Variants in ALDH5A1 observed in about 807,000 individuals in gnomAD.
ALDH5A1 encodes aldehyde dehydrogenase 5 family member A1, also known as succinate-semialdehyde dehydrogenase, mitochondrial.
Under a neutral mutation model 54.7 loss-of-function variants are expected in ALDH5A1, and 33 were observed. That is an observed-to-expected ratio of 0.60 (90% CI 0.46 to 0.81). ALDH5A1 has a LOEUF of 0.81. Among genes scored for constraint, ALDH5A1 ranks in the 30% least tolerant of loss-of-function variants. The probability of loss-of-function intolerance (pLI) is 0.00; values close to 1 mark genes in which losing one functional copy is unlikely to be tolerated. For missense variants in ALDH5A1, 657 were observed against 711.0 expected, an observed-to-expected ratio of 0.92 and a Z score of 0.86; for synonymous variants, 294 against 292.7, an observed-to-expected ratio of 1.00 and a Z score of -0.05.
At chr6:24,514,427 A>T (rs1297062497) in intron 4 of ALDH5A1, among the ~76,000 whole-genome samples, 1 of 152,138 alleles carries the variant, frequency 6.6e-6, no homozygotes, top group Non-Finnish European at 1.5e-5. Flanking sequence ...TATTAGTTTG[A>T]ACAGACCGTG....
Position 24,513,719 on chromosome 6 carries a change from C to G in ALDH5A1, c.727-1448C>G, listed in dbSNP as rs1759506675. Among the ~76,000 whole-genome samples, 3 of 152,196 alleles carry G rather than the reference C, an allele frequency of 2.0e-5. No individual in the cohort carries two copies. In the South Asian group the frequency reaches 6.2e-4, roughly 31 times the overall value. On this transcript the variant is annotated intron_variant, in intron 4 of 9. Transcript: ENST00000357578. ...ATGTACTCACCTACTATTGATAGGG[C>G]AAGGCCCTCCCACTTACAGCTGCTG...
intron 4 of ALDH5A1, among the ~76,000 whole-genome samples, chr6:24,512,352 G>A (rs1263638479): frequency 2.0e-5 from 3 of 152,200 alleles, no homozygotes; most frequent in Non-Finnish European, 4.4e-5. Flanking sequence ...TCCACATGCT[G>A]TTTTGTCCAT....
intron 2 of ALDH5A1, among the ~76,000 whole-genome samples, chr6:24,502,898 G>T: frequency 6.7e-6 from 1 of 149,614 alleles, no homozygotes; most frequent in Non-Finnish European, 1.5e-5. Context: ...TACTGTTTTG[G>T]TTGTTTTTTT....
At chr6:24,500,158 T>C (rs931877738) in intron 1 of ALDH5A1, among the ~76,000 whole-genome samples, 1 of 152,252 alleles carries the variant, frequency 6.6e-6, no homozygotes, top group South Asian at 2.1e-4. Flanking sequence ...TTTTTGTTCA[T>C]TGGAATTTTT....
intron 7 of ALDH5A1, among the ~76,000 whole-genome samples, chr6:24,527,264 C>T (rs1435272933): frequency 6.6e-6 from 1 of 151,878 alleles, no homozygotes; most frequent in Non-Finnish European, 1.5e-5. Context: ...AGACCACATC[C>T]AGTGCATCTT....
rs779688377 is a variant in ALDH5A1, at chr6:24,534,361, T to TAAAG, written c.*652_*655dup. The stretch of plus-strand genomic sequence containing the variant: ...CCTTTATTGTCCCAAATTTACCACT[T>TAAAG]AAAGAATTCTATTTTCATTTCTGTC... On this transcript the variant is annotated 3_prime_UTR_variant, in exon 10 of 10. Coordinates refer to ENST00000357578, the MANE Select transcript of ALDH5A1 (RefSeq NM_001080.3). 1 of 152,692 alleles carries TAAAG rather than the reference T, an allele frequency of 6.5e-6. No homozygotes were observed. The highest frequency in any genetic ancestry group is 1.5e-5 in the Non-Finnish European group (1 of 68,410). The allele number at this position is 152,692 out of a possible 1,614,324, so 9.5% of individuals were successfully genotyped here.
At chr6:24,506,346 C>T (rs1759357201) in intron 4 of ALDH5A1, among the ~76,000 whole-genome samples, 1 of 143,124 alleles carries the variant, frequency 7.0e-6, no homozygotes, top group Admixed American at 7.3e-5. Flanking sequence ...CTCTGCCTCC[C>T]AGGTTCAAGC....
chr6:24,520,813 C>T lies in ALDH5A1; in HGVS notation c.1014+269C>T, dbSNP rs541730449. Among the ~76,000 whole-genome samples, 54 of 152,080 alleles carry T rather than the reference C, an allele frequency of 3.6e-4. No homozygotes were observed. The East Asian group carries it at 6.6e-3, about 18-fold the overall frequency. ...CAGGGTTATACTAGGCTCAGAGGGGCCCCCCCAAAATAAGGTACAGTCCCT... is the reference window on the plus strand; with the variant it reads ...CAGGGTTATACTAGGCTCAGAGGGGTCCCCCCAAAATAAGGTACAGTCCCT... On this transcript the variant is annotated intron_variant, in intron 6 of 9. Transcript: ENST00000357578.
At chr6:24,520,355 TG>T (rs1411473050) in intron 5 of ALDH5A1, 45 bp from the exon 6 acceptor site, 1 of 1,611,822 alleles carries the variant, frequency 6.2e-7, no homozygotes, top group Non-Finnish European at 8.5e-7. Context: ...TTAACAATCC[TG>T]GTAATGGATT....
At chr6:24,500,927 C>A (rs1698685888) in intron 1 of ALDH5A1, among the ~76,000 whole-genome samples, 1 of 152,040 alleles carries the variant, frequency 6.6e-6, no homozygotes, top group African/African-American at 2.4e-5. Flanking sequence ...CATGATCATC[C>A]TGTAGATCCT....
At chr6:24,516,207 C>T (rs1394066361) in intron 5 of ALDH5A1, among the ~76,000 whole-genome samples, 1 of 151,904 alleles carries the variant, frequency 6.6e-6, no homozygotes, top group Non-Finnish European at 1.5e-5. Context: ...GAGGCCGAGG[C>T]AGGCGGATCA....
At chr6:24,531,432 G>A (rs973641451) in intron 8 of ALDH5A1, among the ~76,000 whole-genome samples, 3 of 152,092 alleles carry the variant, frequency 2.0e-5, no homozygotes, top group South Asian at 2.1e-4. Context: ...TTGACTTTTC[G>A]GAGCTGGCTC....
intron 7 of ALDH5A1, among the ~76,000 whole-genome samples, chr6:24,525,971 T>C (rs772770453): frequency 3.1e-4 from 47 of 151,682 alleles, no homozygotes; most frequent in Non-Finnish European, 6.0e-4. Flanking sequence ...AGAAATATAG[T>C]AGGTATCTAG....
At chr6:24,510,010 G>A (rs1196643947) in intron 4 of ALDH5A1, among the ~76,000 whole-genome samples, 1 of 152,024 alleles carries the variant, frequency 6.6e-6, no homozygotes, top group Non-Finnish European at 1.5e-5. Context: ...TATCACTGTT[G>A]TCATTCAGTT....
intron 1 of ALDH5A1, among the ~76,000 whole-genome samples, chr6:24,495,836 G>C (rs1250257121): frequency 2.0e-5 from 3 of 152,206 alleles, no homozygotes; most frequent in African/African-American, 7.2e-5. Flanking sequence ...GATCGGAAAC[G>C]GAGAGAACTG....
intron 4 of ALDH5A1, among the ~76,000 whole-genome samples, chr6:24,513,527 C>G (rs1384495246): frequency 1.3e-5 from 2 of 152,168 alleles, no homozygotes; most frequent in Non-Finnish European, 2.9e-5. Flanking sequence ...GTATCGTGTT[C>G]AAAGATAAGG....
intron 8 of ALDH5A1, among the ~76,000 whole-genome samples, chr6:24,530,895 C>T (rs552558692): frequency 2.6e-5 from 4 of 152,258 alleles, no homozygotes; most frequent in Admixed American, 6.5e-5. Flanking sequence ...TGGTAGGAGA[C>T]GTGCAGCCCT....
rs989357825 is a variant in ALDH5A1 at position 24,524,205 on chromosome 6, G to C, written c.1173+1280G>C. Among the ~76,000 whole-genome samples, 4 of 152,014 alleles carry C rather than the reference G, an allele frequency of 2.6e-5. No homozygotes were observed. The South Asian group carries it at 8.3e-4, about 31-fold the overall frequency. On this transcript the variant is annotated intron_variant, in intron 7 of 9. Coordinates refer to ENST00000357578, the MANE Select transcript of ALDH5A1 (RefSeq NM_001080.3). The stretch of plus-strand genomic sequence containing the variant: ...TTCACATGTTGGCCAGACTGCTCTC[G>C]AACTCCTGACCTCAGGTGATCCACC...
chr6:24,533,142 TG>T (rs1468763011), intron 9 of ALDH5A1, among the ~76,000 whole-genome samples: 8 of 152,144 alleles, frequency 5.3e-5, no homozygotes, highest in Non-Finnish European at 1.2e-4. Context: ...TGAAACTACT[TG>T]TGGGGGAGAG....
Sources: gnomAD v4.1 joint callset for allele counts (sites outside exome capture counted in the v4.1 genomes callset) on GRCh38, gnomAD v4.1.1 for gene constraint, MANE v1.5 for transcripts, NCBI Gene and HGNC (gene_info 2026-07-23, HGNC 2026-07-21) for gene names.